The following ZBTB20 variants were observed in gnomAD, a reference collection of about 807,000 sequenced individuals.
The protein encoded by ZBTB20 is zinc finger and BTB domain containing 20, also known as zinc finger and BTB domain-containing protein 20.
A neutral mutation model predicts 56.9 loss-of-function variants in ZBTB20; 9 were observed. That is an observed-to-expected ratio of 0.16 (90% CI 0.10 to 0.28). The LOEUF (loss-of-function observed/expected upper bound fraction) is 0.28, where lower values mean the gene tolerates loss of function less well. Among genes scored for constraint, ZBTB20 ranks in the 10% least tolerant of loss-of-function variants. The probability of loss-of-function intolerance (pLI) is 1.00; values close to 1 mark genes in which losing one functional copy is unlikely to be tolerated. For synonymous variants in ZBTB20, 417 were observed against 420.7 expected (o/e 0.99, Z 0.11); for missense variants, 655 against 1,003.0 (o/e 0.65, Z 4.69).
chr3:114,831,023 C>T (rs533903508), intron 4 of ZBTB20, among the ~76,000 whole-genome samples: 15 of 147,384 alleles, frequency 1.0e-4, no homozygotes, highest in Non-Finnish European at 1.8e-4. Context: ...GCTCTACAGT[C>T]ATTGAGAACA....
chr3:114,850,507 C>T (rs376678713), intron 4 of ZBTB20, among the ~76,000 whole-genome samples: 15 of 152,248 alleles, frequency 9.9e-5, no homozygotes, highest in African/African-American at 3.1e-4. Context: ...TCATAACAAC[C>T]TTTATTTTTT....
intron 7 of ZBTB20, among the ~76,000 whole-genome samples, chr3:114,471,623 T>C (rs2109262782): frequency 6.6e-6 from 1 of 152,268 alleles, no homozygotes; most frequent in South Asian, 2.1e-4. Context: ...TGAGAGAATA[T>C]GTAGAGGGTG....
At chr3:115,081,894 T>C (rs2082808302) in intron 1 of ZBTB20, among the ~76,000 whole-genome samples, 1 of 152,192 alleles carries the variant, frequency 6.6e-6, no homozygotes, top group African/African-American at 2.4e-5. Flanking sequence ...CATCACTGAC[T>C]GGCAGGAATG....
intron 7 of ZBTB20, among the ~76,000 whole-genome samples, chr3:114,437,268 G>A (rs1221431627): frequency 6.6e-6 from 1 of 152,168 alleles, no homozygotes; most frequent in African/African-American, 2.4e-5. Context: ...TCCCTTGAGA[G>A]ATGTCATGGT....
chr3:114,715,921 G>C (rs2064447147), intron 5 of ZBTB20, among the ~76,000 whole-genome samples: 1 of 152,172 alleles, frequency 6.6e-6, no homozygotes, highest in Admixed American at 6.5e-5. Context: ...TGAGCAACTA[G>C]AGGCTTTACA....
chr3:115,066,765 CA>C (rs955589339), intron 2 of ZBTB20, among the ~76,000 whole-genome samples: 1 of 151,998 alleles, frequency 6.6e-6, no homozygotes, highest in South Asian at 2.1e-4. Flanking sequence ...ATCAGAAAAT[CA>C]AAAGTCTCCT....
At chr3:114,485,177 A>G (rs1430870183) in intron 7 of ZBTB20, among the ~76,000 whole-genome samples, 1 of 152,132 alleles carries the variant, frequency 6.6e-6, no homozygotes, top group Non-Finnish European at 1.5e-5. Flanking sequence ...AAATAATCCA[A>G]CTGTGGTATG....
intron 2 of ZBTB20, among the ~76,000 whole-genome samples, chr3:115,000,254 G>T (rs1038341571): frequency 6.6e-6 from 1 of 151,416 alleles, no homozygotes. Flanking sequence ...GAATGTAGAT[G>T]ATTTTAAATG....
chr3:114,998,758 T>C (rs2079125856), intron 2 of ZBTB20, among the ~76,000 whole-genome samples: 1 of 151,554 alleles, frequency 6.6e-6, no homozygotes, highest in Non-Finnish European at 1.5e-5. Context: ...ATGAGAGAAG[T>C]GGCTTGGATG....
intron 2 of ZBTB20, among the ~76,000 whole-genome samples, chr3:114,993,010 T>C (rs1039712217): frequency 6.6e-6 from 1 of 151,960 alleles, no homozygotes; most frequent in African/African-American, 2.4e-5. Context: ...AAAACAACTT[T>C]CTTCACCTGA....
intron 1 of ZBTB20, among the ~76,000 whole-genome samples, chr3:115,084,271 T>G (rs1292991664): frequency 8.0e-6 from 1 of 124,264 alleles, no homozygotes; most frequent in Non-Finnish European, 1.7e-5. Flanking sequence ...CTTACCATAC[T>G]GCATGAAGAG....
At chr3:114,481,637 A>G (rs1464144173) in intron 7 of ZBTB20, among the ~76,000 whole-genome samples, 1 of 152,190 alleles carries the variant, frequency 6.6e-6, no homozygotes, top group African/African-American at 2.4e-5. Context: ...CATCCTTTAA[A>G]TAATCTGTTT....
intron 4 of ZBTB20, among the ~76,000 whole-genome samples, chr3:114,860,134 C>T (rs1414582323): frequency 1.3e-5 from 2 of 152,052 alleles, no homozygotes; most frequent in African/African-American, 4.8e-5. Flanking sequence ...GGGTGAAACC[C>T]CATCTCTACT....
At chr3:114,696,458 C>T (rs2063020385) in intron 5 of ZBTB20, among the ~76,000 whole-genome samples, 1 of 152,064 alleles carries the variant, frequency 6.6e-6, no homozygotes, top group Non-Finnish European at 1.5e-5. Context: ...ACCACCACTG[C>T]TGCTACCCTT....
At chr3:114,516,449 T>C (rs2046001914) in intron 6 of ZBTB20, among the ~76,000 whole-genome samples, 1 of 152,190 alleles carries the variant, frequency 6.6e-6, no homozygotes, top group Non-Finnish European at 1.5e-5. Flanking sequence ...CATAAATCTA[T>C]ACGTTATTTT....
intron 6 of ZBTB20, among the ~76,000 whole-genome samples, chr3:114,518,269 C>T (rs934973485): frequency 1.3e-5 from 2 of 151,934 alleles, no homozygotes; most frequent in African/African-American, 4.8e-5. Flanking sequence ...ATACTAAGAA[C>T]ACCAAGAACT....
chr3:114,929,566 T>C (rs1475420036), intron 3 of ZBTB20, among the ~76,000 whole-genome samples: 1 of 152,216 alleles, frequency 6.6e-6, no homozygotes, highest in Non-Finnish European at 1.5e-5. Flanking sequence ...TAAAATGTAA[T>C]AATTTCTACC....
chr3:114,419,884 C>CA (rs1559765422), intron 7 of ZBTB20, among the ~76,000 whole-genome samples: 1 of 151,980 alleles, frequency 6.6e-6, no homozygotes, highest in African/African-American at 2.4e-5. Context: ...ATAAATTGTT[C>CA]GAAGCTGGTG....
chr3:115,125,823 T>A (rs1254486059), intron 1 of ZBTB20, among the ~76,000 whole-genome samples: 1 of 152,186 alleles, frequency 6.6e-6, no homozygotes. Context: ...ATGCACATAA[T>A]TGTTGTCAAT....
Sources: gnomAD v4.1 joint callset for allele counts (sites outside exome capture counted in the v4.1 genomes callset) on GRCh38, gnomAD v4.1.1 for gene constraint, MANE v1.5 for transcripts, NCBI Gene and HGNC (gene_info 2026-07-23, HGNC 2026-07-21) for gene names.